Variants in ANKRD30A observed in about 807,000 individuals in gnomAD.
ANKRD30A encodes the protein ankyrin repeat domain-containing protein 30A.
Under a neutral mutation model 166.3 loss-of-function variants are expected in ANKRD30A, and 170 were observed. That is an observed-to-expected ratio of 1.02 (90% CI 0.90 to 1.16). ANKRD30A has a LOEUF of 1.16. Ranked by LOEUF, ANKRD30A falls within the 50% of genes most tolerant of loss-of-function variation. ANKRD30A has a pLI of 0.00. For synonymous variants in ANKRD30A, 564 were observed against 508.9 expected (o/e 1.11, Z -1.46); for missense variants, 1,630 against 1,518.0 (o/e 1.07, Z -1.23).
chr10:37,191,192 A>G (rs1017702557), intron 25 of ANKRD30A, among the ~76,000 whole-genome samples: 4 of 151,988 alleles, frequency 2.6e-5, no homozygotes, highest in African/African-American at 9.7e-5. Flanking sequence ...ATCTTCCTCC[A>G]TGAGTGGATT....
rs537354989 is a variant in ANKRD30A, at chr10:37,183,603, C to T, written c.2422-5864C>T. ...TCTGTGTCTCATGGCACTGTGCTCT[C>T]TTTTTCCCTAGAGAGGATCTAGACT... On this transcript the variant is annotated intron_variant, in intron 24 of 35. Coordinates refer to ENST00000361713, the MANE Select transcript of ANKRD30A (RefSeq NM_052997.3). Among the ~76,000 whole-genome samples, 137 of 147,072 alleles carry T rather than the reference C, an allele frequency of 9.3e-4. 7 individuals are homozygous for T. Among genetic ancestry groups the T allele is most frequent in the African/African-American group, 3.1e-3 (125 of 40,360 alleles).
intron 15 of ANKRD30A, among the ~76,000 whole-genome samples, chr10:37,161,723 A>G (rs1283438561): frequency 6.6e-6 from 1 of 152,158 alleles, no homozygotes; most frequent in Non-Finnish European, 1.5e-5. Flanking sequence ...ACAAATATAT[A>G]TTTTGTTGCT....
the ANKRD30A span, among the ~76,000 whole-genome samples, chr10:37,257,924 A>G: frequency 1.3e-5 from 2 of 152,158 alleles, no homozygotes; most frequent in African/African-American, 2.4e-5. Flanking sequence ...ATGAGAACAC[A>G]TGGACACAGG....
At chr10:37,161,483 A>T (rs1361650405) in intron 15 of ANKRD30A, among the ~76,000 whole-genome samples, 3 of 151,690 alleles carry the variant, frequency 2.0e-5, no homozygotes, top group Admixed American at 6.6e-5. Flanking sequence ...TTATTTTTTT[A>T]GTTGAAGCAT....
intron 21 of ANKRD30A, among the ~76,000 whole-genome samples, chr10:37,172,600 CAAGA>C (rs1443563625): frequency 8.8e-5 from 7 of 79,784 alleles, no homozygotes; most frequent in African/African-American, 3.5e-4. Context: ...ACGGGACAAA[CAAGA>C]AAGAATGTAG....
chr10:37,227,962 G>A (rs1843237609), intron 34 of ANKRD30A, among the ~76,000 whole-genome samples: 1 of 151,888 alleles, frequency 6.6e-6, no homozygotes, highest in African/African-American at 2.4e-5. Flanking sequence ...CTTTTGACCT[G>A]GCACCTGATT....
chr10:37,190,377 GA>G (rs1226533140), intron 25 of ANKRD30A, among the ~76,000 whole-genome samples: 1 of 151,822 alleles, frequency 6.6e-6, no homozygotes, highest in Non-Finnish European at 1.5e-5. Context: ...GGTCAGGACA[GA>G]AAAGGTCAGG....
intron 34 of ANKRD30A, among the ~76,000 whole-genome samples, chr10:37,229,575 G>T (rs775429207): frequency 1.3e-5 from 2 of 151,834 alleles, no homozygotes; most frequent in African/African-American, 4.8e-5. Flanking sequence ...ACTCTACAAT[G>T]CCACAGAACA....
At chr10:37,147,902 T>G (rs371825928) in intron 9 of ANKRD30A, among the ~76,000 whole-genome samples, 1 of 142,126 alleles carries the variant, frequency 7.0e-6, no homozygotes, top group Non-Finnish European at 1.6e-5. Flanking sequence ...GTCCGAAAAT[T>G]ATAGCTAAAG....
Position 37,150,079 on chromosome 10 carries a change from G to A in ANKRD30A, c.1645+230G>A, listed in dbSNP as rs572791106. On this transcript the variant is annotated intron_variant, in intron 11 of 35. Coordinates refer to ENST00000361713, the MANE Select transcript of ANKRD30A (RefSeq NM_052997.3). ...TCAGATGTTTCTACTTTTGTATCCC[G>A]AAACTGTAATGTTTACTATTTTGAA... Among the ~76,000 whole-genome samples the A allele has an allele frequency of 7.9e-5, 12 of 152,000 alleles. No individual in the cohort carries two copies. The South Asian group carries it at 2.1e-3, about 26-fold the overall frequency.
chr10:37,246,612 G>A, the ANKRD30A span, among the ~76,000 whole-genome samples: 14 of 152,176 alleles, frequency 9.2e-5, no homozygotes, highest in Admixed American at 5.2e-4. Context: ...CTCCTACTTC[G>A]GCCAGGCTAG....
chr10:37,238,373 T>C, the ANKRD30A span, among the ~76,000 whole-genome samples: 1 of 152,206 alleles, frequency 6.6e-6, no homozygotes, highest in African/African-American at 2.4e-5. Context: ...TTAGGGTACA[T>C]GTGCACAATG....
At chr10:37,205,974 A>G (rs1446216120) in intron 31 of ANKRD30A, among the ~76,000 whole-genome samples, 1 of 152,186 alleles carries the variant, frequency 6.6e-6, no homozygotes, top group Non-Finnish European at 1.5e-5. Flanking sequence ...GTCAAGGGAA[A>G]GCATTATTTT....
intron 13 of ANKRD30A, 63 bp downstream of exon 13, chr10:37,153,725 G>T: frequency 6.3e-7 from 1 of 1,589,034 alleles, no homozygotes; most frequent in Non-Finnish European, 8.6e-7. Flanking sequence ...GATGAGGAGG[G>T]ATATCCTCTA....
chr10:37,172,630 G>A (rs1214919175), intron 21 of ANKRD30A, among the ~76,000 whole-genome samples: 1 of 131,934 alleles, frequency 7.6e-6, no homozygotes, highest in African/African-American at 2.8e-5. Context: ...TAATTCTGGA[G>A]ACTCTGAGAA....
intron 8 of ANKRD30A, 133 bp downstream of exon 8, chr10:37,145,189 A>G: frequency 1.5e-6 from 1 of 685,164 alleles, no homozygotes. Context: ...TTCTAAAAAC[A>G]TACTTGGCTG....
At chr10:37,209,202 A>G (rs2132714531) in intron 31 of ANKRD30A, among the ~76,000 whole-genome samples, 1 of 152,282 alleles carries the variant, frequency 6.6e-6, no homozygotes, top group South Asian at 2.1e-4. Flanking sequence ...AGCATTATAC[A>G]ATGAGTTAAA....
At chr10:37,201,596 A>T (rs1271699212) in intron 31 of ANKRD30A, among the ~76,000 whole-genome samples, 3 of 152,062 alleles carry the variant, frequency 2.0e-5, no homozygotes, top group East Asian at 3.8e-4. Context: ...AAAGTAGTAA[A>T]AGAGGAAATG....
intron 8 of ANKRD30A, among the ~76,000 whole-genome samples, chr10:37,146,868 A>G (rs1484784378): frequency 1.3e-5 from 2 of 152,178 alleles, no homozygotes; most frequent in African/African-American, 2.4e-5. Context: ...ACTAAAGGTA[A>G]AGATCAGGTT....
Sources: allele counts gnomAD v4.1 joint callset (sites outside exome capture counted in the v4.1 genomes callset), GRCh38; gene constraint gnomAD v4.1.1; transcripts MANE v1.5; gene names NCBI Gene and HGNC (gene_info 2026-07-23, HGNC 2026-07-21).